The following VAPA variants were observed in gnomAD, a reference collection of about 807,000 sequenced individuals.
VAPA encodes vesicle-associated membrane protein-associated protein A.
Under a neutral mutation model 25.6 loss-of-function variants are expected in VAPA, and 6 were observed. The observed-to-expected ratio is 0.23, with a 90% CI of 0.13 to 0.46. The LOEUF is 0.46. Among genes scored for constraint, VAPA ranks in the 20% least tolerant of loss-of-function variants. The pLI is 0.99. For synonymous variants in VAPA, 112 were observed against 106.2 expected, an observed-to-expected ratio of 1.05 and a Z score of -0.34; for missense variants, 244 against 302.1, an observed-to-expected ratio of 0.81 and a Z score of 1.43.
intron 5 of VAPA, among the ~76,000 whole-genome samples, chr18:9,952,473 A>G (rs1173944148): frequency 6.6e-6 from 1 of 151,428 alleles, no homozygotes; most frequent in Non-Finnish European, 1.5e-5. Context: ...AGGCTGAGGC[A>G]GGAGAATCAC....
rs142493218 is a variant in VAPA, at chr18:9,953,228, G to A, written c.592-825G>A. 1.6e-3 allele frequency among the ~76,000 whole-genome samples: 238 copies of A among 152,294 alleles called. 3 individuals are homozygous for A. The highest frequency in any genetic ancestry group is 5.5e-3 in the African/African-American group (227 of 41,562). ...GTGAAGCCATATCAGCAAGAATGAA[G>A]CAGCCTACTCTTGACTGGAGGATCT... On this transcript the variant is annotated intron_variant, in intron 5 of 5. Coordinates refer to ENST00000400000, the MANE Select transcript of VAPA (RefSeq NM_194434.3).
intron 1 of VAPA, among the ~76,000 whole-genome samples, chr18:9,917,395 A>G (rs1354498521): frequency 3.3e-5 from 5 of 152,086 alleles, no homozygotes; most frequent in Admixed American, 2.0e-4. Flanking sequence ...GGTTCAAGCA[A>G]TTCTCCTGCC....
rs116069163 is a variant in VAPA, at chr18:9,920,777, T to G, written c.79+6442T>G. 3.1e-3 allele frequency among the ~76,000 whole-genome samples: 470 copies of G among 152,356 alleles called. 6 individuals carry two copies. Among genetic ancestry groups the G allele is most frequent in the African/African-American group, 0.011 (447 of 41,594 alleles). On this transcript the variant is annotated intron_variant, in intron 1 of 5. Coordinates refer to ENST00000400000, the MANE Select transcript of VAPA (RefSeq NM_194434.3). Reference sequence around the variant, plus strand: ...CAGCCTCAGTGTCTATTCTTTTTCTTCTGTCCATAACTTTGGCTATATGAA... The same window carrying G: ...CAGCCTCAGTGTCTATTCTTTTTCTGCTGTCCATAACTTTGGCTATATGAA...
chr18:9,922,470 T>G (rs1410002007), intron 1 of VAPA, among the ~76,000 whole-genome samples: 1 of 152,164 alleles, frequency 6.6e-6, no homozygotes, highest in Non-Finnish European at 1.5e-5. Context: ...CTTAAGAGTT[T>G]ATTAATGAGC....
intron 1 of VAPA, chr18:9,914,609 C>T (rs2069095131): frequency 6.4e-6 from 1 of 155,778 alleles, no homozygotes; most frequent in Admixed American, 6.6e-5. Flanking sequence ...GCGCCGCCGC[C>T]GCCGCCATCT....
intron 5 of VAPA, 134 bp from the exon 6 acceptor site, chr18:9,953,919 C>G: frequency 1.0e-6 from 1 of 987,120 alleles, no homozygotes; most frequent in South Asian, 1.5e-5. Flanking sequence ...ATGTGGTTAG[C>G]AGTTAATCCC....
At chr18:9,936,867 A>G (rs2069316466) in intron 3 of VAPA, 119 bp from the exon 4 acceptor site, 2 of 722,154 alleles carry the variant, frequency 2.8e-6, no homozygotes, top group Non-Finnish European at 4.8e-6. Flanking sequence ...TAAAGAGTGC[A>G]CCAGTGTGTT....
At chr18:9,945,047 G>C in intron 4 of VAPA, 2 of 1,614,064 alleles carry the variant, frequency 1.2e-6, no homozygotes, top group Non-Finnish European at 1.7e-6. Flanking sequence ...GTTGAAACAG[G>C]AGAAACAGAA....
chr18:9,919,206 C>T (rs2069136809), intron 1 of VAPA, among the ~76,000 whole-genome samples: 1 of 152,144 alleles, frequency 6.6e-6, no homozygotes, highest in Non-Finnish European at 1.5e-5. Context: ...TTAGTGGCAT[C>T]ATGATTACTC....
chr18:9,954,136 C>T lies in VAPA; in HGVS notation c.675C>T (p.Thr225=), dbSNP rs751708055. 2.5e-6 allele frequency: 4 copies of T among 1,613,980 alleles called. No homozygotes were observed. The highest frequency in any genetic ancestry group is 1.7e-5 in the Admixed American group (1 of 60,020). The part of the protein sequence containing the change: ...TSTASFRDNV[T]SPLPSLLVVI... ...CTGCATCCTTCAGAGATAATGTCACCAGTCCTCTTCCTTCACTTCTTGTTG... is the reference window on the plus strand; with the variant it reads ...CTGCATCCTTCAGAGATAATGTCACTAGTCCTCTTCCTTCACTTCTTGTTG... The change falls in exon 6 of 6, where the codon ACC becomes ACT. Residue 225 remains threonine, a synonymous_variant. Transcript: ENST00000400000.
At chr18:9,916,248 T>C (rs1264726975) in intron 1 of VAPA, among the ~76,000 whole-genome samples, 3 of 152,168 alleles carry the variant, frequency 2.0e-5, no homozygotes, top group Non-Finnish European at 2.9e-5. Flanking sequence ...ATATTTCCTT[T>C]TTTGGGGGTG....
At chr18:9,928,257 A>C (rs1224263902) in intron 1 of VAPA, among the ~76,000 whole-genome samples, 1 of 152,118 alleles carries the variant, frequency 6.6e-6, no homozygotes, top group Non-Finnish European at 1.5e-5. Flanking sequence ...CTGTTTTTTC[A>C]ATTTTTCAAG....
intron 1 of VAPA, among the ~76,000 whole-genome samples, chr18:9,921,088 T>TA (rs2143290538): frequency 6.6e-6 from 1 of 152,346 alleles, no homozygotes; most frequent in East Asian, 1.9e-4. Flanking sequence ...TTAATGTTTG[T>TA]AGTAACAAGT....
intron 5 of VAPA, chr18:9,951,049 T>A (rs2143436872): frequency 6.6e-6 from 1 of 152,446 alleles, no homozygotes; most frequent in East Asian, 1.9e-4. Flanking sequence ...GTAGTTTGGG[T>A]ATATTGGGTT....
intron 1 of VAPA, among the ~76,000 whole-genome samples, chr18:9,915,413 GAA>G (rs1445674174): frequency 2.0e-5 from 3 of 152,158 alleles, no homozygotes; most frequent in Non-Finnish European, 4.4e-5. Context: ...TGTACTTTAG[GAA>G]AGAGAGTTAA....
intron 1 of VAPA, among the ~76,000 whole-genome samples, chr18:9,923,309 AAAG>A (rs1260010553): frequency 7.7e-6 from 1 of 129,100 alleles, no homozygotes; most frequent in East Asian, 2.3e-4. Context: ...GTTAATTAAA[AAAG>A]AATTGTTGCT....
At chr18:9,951,320 A>G (rs772166938) in intron 5 of VAPA, 1 of 152,230 alleles carries the variant, frequency 6.6e-6, no homozygotes, top group Non-Finnish European at 1.5e-5. Flanking sequence ...ACGTTTTGCT[A>G]CTACAGCATA....
chr18:9,931,859 G>A lies in VAPA; in HGVS notation c.129G>A (p.Ser43=), dbSNP rs796284293. ...VTTNLKLRNP[S]DRKVCFKVKT... ...CAAATCTTAAATTGCGAAATCCATC[G>A]GATAGAAAAGTGTGTTTCAAAGTGA... Residue 43 remains serine, a synonymous_variant, in exon 2 of 6, where the codon TCG becomes TCA. Transcript: ENST00000400000. The A allele has an allele frequency of 3.1e-6, 5 of 1,613,778 alleles. No homozygotes were observed. Among genetic ancestry groups the A allele is most frequent in the Middle Eastern group, 1.6e-4 (1 of 6,062 alleles).
chr18:9,933,078 G>A (rs1441171043), intron 2 of VAPA, among the ~76,000 whole-genome samples: 3 of 150,636 alleles, frequency 2.0e-5, no homozygotes, highest in Non-Finnish European at 3.0e-5. Flanking sequence ...GTAAGACTCC[G>A]TCTCAAAACA....
Sources: allele counts gnomAD v4.1 joint callset (sites outside exome capture counted in the v4.1 genomes callset), GRCh38; gene constraint gnomAD v4.1.1; transcripts MANE v1.5; gene names NCBI Gene and HGNC (gene_info 2026-07-23, HGNC 2026-07-21).